The following LTBP1 variants were observed in gnomAD, a reference collection of about 807,000 sequenced individuals.
The protein encoded by LTBP1 is latent-transforming growth factor beta-binding protein 1.
Under a neutral mutation model 207.6 loss-of-function variants are expected in LTBP1, and 129 were observed. The ratio of observed to expected loss-of-function variants is 0.62; its 90% CI spans 0.54 to 0.72. The LOEUF is 0.72. Ranked by LOEUF, LTBP1 falls within the 30% of genes least tolerant of loss-of-function variation. The pLI is 0.00. For synonymous variants in LTBP1, 963 were observed against 833.7 expected, an observed-to-expected ratio of 1.16 and a Z score of -2.67; for missense variants, 2,281 against 2,217.2, an observed-to-expected ratio of 1.03 and a Z score of -0.58.
intron 26 of LTBP1, among the ~76,000 whole-genome samples, chr2:33,357,064 T>C (rs1479069145): frequency 6.6e-6 from 1 of 152,208 alleles, no homozygotes; most frequent in Non-Finnish European, 1.5e-5. Flanking sequence ...GGAGAGCCCA[T>C]TTAAAAAGCT....
chr2:33,213,807 A>G (rs2090489899), intron 7 of LTBP1, among the ~76,000 whole-genome samples: 1 of 152,212 alleles, frequency 6.6e-6, no homozygotes, highest in Non-Finnish European at 1.5e-5. Context: ...CCCAGTTTCA[A>G]GACACACACA....
chr2:33,150,744 A>T (rs1572869924), intron 5 of LTBP1, among the ~76,000 whole-genome samples: 1 of 87,938 alleles, frequency 1.1e-5, no homozygotes. Context: ...TTTGAGACAG[A>T]GTCTCGCTCT....
chr2:33,073,806 T>C (rs1481131558), intron 3 of LTBP1, among the ~76,000 whole-genome samples: 1 of 152,172 alleles, frequency 6.6e-6, no homozygotes, highest in African/African-American at 2.4e-5. Flanking sequence ...TTTGTATTTT[T>C]AGTAGAGACA....
In LTBP1 at chr2:33,194,992, G is replaced by A. The variant is rs1001905737; in HGVS notation, c.1701+6141G>A. On this transcript the variant is annotated intron_variant, in intron 7 of 33. Transcript: ENST00000404816. Reference sequence around the variant, plus strand: ...AAGAGAATAGCAAAGCCCGGATGACGGCACATGTGTTTGCAGTTTGGTTTA... The same window carrying A: ...AAGAGAATAGCAAAGCCCGGATGACAGCACATGTGTTTGCAGTTTGGTTTA... 3.9e-5 allele frequency among the ~76,000 whole-genome samples: 6 copies of A among 152,158 alleles called. No homozygotes were observed. The South Asian group carries it at 1.0e-3, about 26-fold the overall frequency.
chr2:33,290,000 C>T (rs1280187525), intron 19 of LTBP1, among the ~76,000 whole-genome samples: 1 of 152,148 alleles, frequency 6.6e-6, no homozygotes, highest in African/African-American at 2.4e-5. Flanking sequence ...TGATTTAGCT[C>T]ATGGTTCTGG....
intron 33 of LTBP1, 66 bp downstream of exon 33, chr2:33,397,348 A>G: frequency 6.4e-7 from 1 of 1,557,312 alleles, no homozygotes; most frequent in South Asian, 1.1e-5. Flanking sequence ...CAGTCAGTAG[A>G]GAACATTTAA....
chr2:33,265,607 ATGAT>A (rs1558912962), intron 15 of LTBP1, among the ~76,000 whole-genome samples: 1 of 152,224 alleles, frequency 6.6e-6, no homozygotes, highest in African/African-American at 2.4e-5. Flanking sequence ...AAAAAACTGA[ATGAT>A]ATAGAGTATT....
At chr2:33,190,760 A>G (rs538389822) in intron 7 of LTBP1, among the ~76,000 whole-genome samples, 3 of 152,024 alleles carry the variant, frequency 2.0e-5, no homozygotes, top group Non-Finnish European at 4.4e-5. Context: ...CTGTTTTTAT[A>G]TCATGTGCTT....
intron 3 of LTBP1, among the ~76,000 whole-genome samples, chr2:33,064,643 T>C (rs549886741): frequency 6.6e-6 from 1 of 152,324 alleles, no homozygotes; most frequent in African/African-American, 2.4e-5. Flanking sequence ...CAGATGGAGA[T>C]GTTATTTTCA....
chr2:33,093,401 GA>G (rs2079212210), intron 3 of LTBP1, among the ~76,000 whole-genome samples: 1 of 151,726 alleles, frequency 6.6e-6, no homozygotes, highest in Admixed American at 6.6e-5. Flanking sequence ...CCGCCTGGTG[GA>G]AACAGTTGAA....
At chr2:33,379,038 G>A (rs1400534282) in intron 31 of LTBP1, among the ~76,000 whole-genome samples, 2 of 152,056 alleles carry the variant, frequency 1.3e-5, no homozygotes. Context: ...TAGCTCATTG[G>A]GAGGGCTTCT....
At chr2:33,054,261 T>G (rs1244659056) in intron 3 of LTBP1, among the ~76,000 whole-genome samples, 1 of 152,234 alleles carries the variant, frequency 6.6e-6, no homozygotes, top group Non-Finnish European at 1.5e-5. Flanking sequence ...TTGCAGGGAC[T>G]GCTGCATTTC....
At chr2:32,994,183 C>G (rs551751361) in intron 2 of LTBP1, among the ~76,000 whole-genome samples, 12 of 152,138 alleles carry the variant, frequency 7.9e-5, no homozygotes, top group Non-Finnish European at 1.5e-5. Context: ...GAGGTCTTTA[C>G]GTAGAACCTA....
chr2:33,004,815 A>ATATATATATATATATG (rs1558501551), intron 2 of LTBP1, among the ~76,000 whole-genome samples: 3 of 143,628 alleles, frequency 2.1e-5, no homozygotes, highest in East Asian at 2.0e-4. Context: ...ATATATATAT[A>ATATATATATATATATG]AACATAAAAT....
At chr2:33,373,032 A>G (rs912413334) in intron 31 of LTBP1, among the ~76,000 whole-genome samples, 11 of 152,192 alleles carry the variant, frequency 7.2e-5, no homozygotes, top group Middle Eastern at 3.2e-3. Context: ...GTGTCTTTTT[A>G]TATTGTTAAA....
intron 5 of LTBP1, among the ~76,000 whole-genome samples, chr2:33,140,638 C>T (rs2082570936): frequency 6.7e-6 from 1 of 150,062 alleles, no homozygotes; most frequent in Admixed American, 6.7e-5. Flanking sequence ...AGAGCATTTT[C>T]CTTTTATTTA....
intron 5 of LTBP1, among the ~76,000 whole-genome samples, chr2:33,140,606 T>A (rs1458457936): frequency 2.0e-5 from 3 of 152,066 alleles, no homozygotes; most frequent in Non-Finnish European, 2.9e-5. Flanking sequence ...TATTTTCTAA[T>A]ACTGAATAAA....
At chr2:33,135,816 A>G (rs2082099062) in intron 5 of LTBP1, among the ~76,000 whole-genome samples, 1 of 152,212 alleles carries the variant, frequency 6.6e-6, no homozygotes, top group South Asian at 2.1e-4. Context: ...TTGACCAATT[A>G]TGGTTTGCCA....
At chr2:33,369,126 G>C (rs760850921) in intron 31 of LTBP1, among the ~76,000 whole-genome samples, 1 of 151,758 alleles carries the variant, frequency 6.6e-6, no homozygotes, top group South Asian at 2.1e-4. Flanking sequence ...AAATACATAT[G>C]AAGTACATAT....
Sources: gnomAD v4.1 joint callset for allele counts (sites outside exome capture counted in the v4.1 genomes callset) on GRCh38, gnomAD v4.1.1 for gene constraint, MANE v1.5 for transcripts, NCBI Gene and HGNC (gene_info 2026-07-23, HGNC 2026-07-21) for gene names.